Variants in ZNF385B observed in about 807,000 individuals in gnomAD.
ZNF385B encodes the protein zinc finger protein 533.
ZNF385B carries 23 observed loss-of-function variants against 39.2 expected under a neutral mutation model. The ratio of observed to expected loss-of-function variants is 0.59; its 90% CI spans 0.42 to 0.83. The LOEUF is 0.83. Ranked by LOEUF, ZNF385B falls within the 40% of genes least tolerant of loss-of-function variation. The pLI is 0.00. For missense variants in ZNF385B, 552 were observed against 598.9 expected (o/e 0.92, Z 0.82); for synonymous variants, 205 against 222.6 (o/e 0.92, Z 0.70).
intron 1 of ZNF385B, among the ~76,000 whole-genome samples, chr2:179,832,843 A>T (rs1486298043): frequency 6.6e-6 from 1 of 152,232 alleles, no homozygotes; most frequent in Non-Finnish European, 1.5e-5. Flanking sequence ...TGAGTAAATG[A>T]ACCATGCTGA....
At chr2:179,451,251 TA>T (rs71029810) in intron 6 of ZNF385B, among the ~76,000 whole-genome samples, 7,678 of 134,710 alleles carry the variant, frequency 0.057, 244 homozygotes, top group Middle Eastern at 0.12. Flanking sequence ...AAAGTATAAT[TA>T]AAAAAAAAAA....
intron 3 of ZNF385B, among the ~76,000 whole-genome samples, chr2:179,640,113 T>C (rs1692130853): frequency 6.6e-6 from 1 of 152,150 alleles, no homozygotes; most frequent in South Asian, 2.1e-4. Flanking sequence ...ACAACAAAAG[T>C]TGAAGAACTG....
At chr2:179,540,650 T>C (rs1232540996) in intron 4 of ZNF385B, among the ~76,000 whole-genome samples, 3 of 152,196 alleles carry the variant, frequency 2.0e-5, no homozygotes, top group African/African-American at 7.2e-5. Flanking sequence ...CTTTCCTCTC[T>C]TCCAAAAAAT....
intron 3 of ZNF385B, among the ~76,000 whole-genome samples, chr2:179,617,905 T>C (rs988313224): frequency 2.0e-5 from 3 of 152,088 alleles, no homozygotes; most frequent in Non-Finnish European, 2.9e-5. Context: ...GAGAACTTGA[T>C]CCCCCTAAAT....
chr2:179,789,113 C>T lies in ZNF385B; in HGVS notation c.-154-18441G>A, dbSNP rs1439717317. Among the ~76,000 whole-genome samples the T allele has an allele frequency of 2.0e-5, 3 of 152,022 alleles. No individual in the cohort carries two copies. In the East Asian group the frequency reaches 5.8e-4, roughly 29 times the overall value. ...TTTAAAGTCTTCATGTTCTCACTTT[C>T]CCCATAAAAGAAGTGGTCGACTTTG... On this transcript the variant is annotated intron_variant, in intron 1 of 9. Coordinates refer to ENST00000410066, the MANE Select transcript of ZNF385B (RefSeq NM_152520.6).
chr2:179,560,036 C>T (rs537921048), intron 3 of ZNF385B, among the ~76,000 whole-genome samples: 1 of 151,934 alleles, frequency 6.6e-6, no homozygotes, highest in Non-Finnish European at 1.5e-5. Flanking sequence ...TTTTTTCTGG[C>T]TTATTTCATT....
chr2:179,483,264 T>A lies in ZNF385B; in HGVS notation c.715+8A>T, dbSNP rs2054198434. 2 of 1,613,590 alleles carry A rather than the reference T, an allele frequency of 1.2e-6. No homozygotes were observed. Among genetic ancestry groups the A allele is most frequent in the East Asian group, 4.5e-5 (2 of 44,836 alleles). Reference sequence around the variant, plus strand: ...CAAAGAATGTAAAGAACAAAAAGTGTCATTGACCTGATTTGTCAGAGTTGT... The same window carrying A: ...CAAAGAATGTAAAGAACAAAAAGTGACATTGACCTGATTTGTCAGAGTTGT... On this transcript the variant is annotated splice_region_variant and intron_variant, in intron 6 of 9. Transcript: ENST00000410066.
intron 3 of ZNF385B, among the ~76,000 whole-genome samples, chr2:179,718,566 C>T (rs757074427): frequency 1.2e-4 from 18 of 148,558 alleles, no homozygotes; most frequent in South Asian, 4.2e-4. Flanking sequence ...CAGTATAGGA[C>T]GATTCTAACA....
intron 6 of ZNF385B, among the ~76,000 whole-genome samples, chr2:179,453,079 C>T (rs1323952868): frequency 6.6e-6 from 1 of 152,068 alleles, no homozygotes; most frequent in African/African-American, 2.4e-5. Context: ...ATATTTTTCA[C>T]TTAGGAATAA....
intron 5 of ZNF385B, among the ~76,000 whole-genome samples, chr2:179,488,110 G>A (rs2054795777): frequency 6.6e-6 from 1 of 152,054 alleles, no homozygotes; most frequent in African/African-American, 2.4e-5. Context: ...ACTTCACTGT[G>A]CTCTCATTTC....
intron 3 of ZNF385B, among the ~76,000 whole-genome samples, chr2:179,567,853 A>G (rs1482154013): frequency 2.0e-5 from 3 of 152,210 alleles, no homozygotes; most frequent in African/African-American, 7.2e-5. Context: ...ACTGTCACAT[A>G]CTAGTCCGAG....
intron 3 of ZNF385B, chr2:179,562,392 T>C (rs748955275): frequency 2.0e-5 from 20 of 985,382 alleles, no homozygotes; most frequent in Non-Finnish European, 2.4e-5. Flanking sequence ...CAGTTAGCAG[T>C]GCTTACCTTT....
At chr2:179,520,463 CAAAG>C (rs1315794662) in intron 4 of ZNF385B, among the ~76,000 whole-genome samples, 3 of 151,986 alleles carry the variant, frequency 2.0e-5, no homozygotes, top group Non-Finnish European at 4.4e-5. Context: ...AACTATGTGA[CAAAG>C]AAAATCTCAA....
chr2:179,847,765 A>T (rs1391763982), intron 1 of ZNF385B, among the ~76,000 whole-genome samples: 1 of 152,176 alleles, frequency 6.6e-6, no homozygotes, highest in Non-Finnish European at 1.5e-5. Context: ...ATGTGGTATT[A>T]GTAGCAGATT....
At chr2:179,772,047 C>T (rs773200637) in intron 1 of ZNF385B, among the ~76,000 whole-genome samples, 7 of 152,070 alleles carry the variant, frequency 4.6e-5, no homozygotes, top group African/African-American at 9.7e-5. Context: ...GATTAACACA[C>T]GGTATTTCAT....
chr2:179,810,217 T>C (rs1706649351), intron 1 of ZNF385B, among the ~76,000 whole-genome samples: 1 of 151,864 alleles, frequency 6.6e-6, no homozygotes, highest in Admixed American at 6.5e-5. Context: ...TAAGTGATTG[T>C]TTTATAAAGG....
chr2:179,593,147 G>A (rs905639545), intron 3 of ZNF385B, among the ~76,000 whole-genome samples: 5 of 151,998 alleles, frequency 3.3e-5, no homozygotes, highest in African/African-American at 7.2e-5. Flanking sequence ...GCAAAACCTG[G>A]ATTGAGGGAA....
At chr2:179,768,011 G>A (rs61491576) in intron 3 of ZNF385B, among the ~76,000 whole-genome samples, 222 of 150,798 alleles carry the variant, frequency 1.5e-3, no homozygotes, top group African/African-American at 4.9e-3. Flanking sequence ...GCACAGTGGC[G>A]TGATCTCAGC....
intron 1 of ZNF385B, among the ~76,000 whole-genome samples, chr2:179,822,528 G>A (rs1244301116): frequency 6.6e-6 from 1 of 152,154 alleles, no homozygotes; most frequent in African/African-American, 2.4e-5. Flanking sequence ...ATGGAGTCCT[G>A]CACTCACCGA....
Sources: allele counts gnomAD v4.1 joint callset (sites outside exome capture counted in the v4.1 genomes callset), GRCh38; gene constraint gnomAD v4.1.1; transcripts MANE v1.5; gene names NCBI Gene and HGNC (gene_info 2026-07-23, HGNC 2026-07-21).